GPATCH1: variants seen among roughly 807,000 people sequenced by gnomAD.
GPATCH1 encodes G-patch domain containing 1, also known as G patch domain-containing protein 1.
In GPATCH1, 73 loss-of-function variants were observed where a neutral mutation model predicts 114.9. That is an observed-to-expected ratio of 0.64 (90% CI 0.53 to 0.77). The LOEUF (loss-of-function observed/expected upper bound fraction) is 0.77. Among genes scored for constraint, GPATCH1 ranks in the 30% least tolerant of loss-of-function variants. The pLI, the probability that GPATCH1 is intolerant of heterozygous loss-of-function variation, is 0.00. For missense variants in GPATCH1, 1,058 were observed against 1,144.3 expected, an observed-to-expected ratio of 0.92 and a Z score of 1.09; for synonymous variants, 391 against 428.4, an observed-to-expected ratio of 0.91 and a Z score of 1.08.
chr19:33,121,812 A>G lies in GPATCH1; in HGVS notation c.2521+2695A>G, dbSNP rs545992450. On this transcript the variant is annotated intron_variant, in intron 17 of 19. Coordinates refer to ENST00000170564, the MANE Select transcript of GPATCH1 (RefSeq NM_018025.3). ...ATCTCTTTGAGGGCTGGGTTTACAA[A>G]CATCTATAACATGGCCCAGATATAT... is the stretch of plus-strand genomic sequence containing the variant. 7.9e-5 allele frequency among the ~76,000 whole-genome samples: 12 copies of G among 152,240 alleles called. No homozygotes were observed. In the South Asian group the frequency reaches 2.5e-3, roughly 32 times the overall value.
chr19:33,101,179 G>A (rs187069004), intron 8 of GPATCH1, among the ~76,000 whole-genome samples: 175 of 152,230 alleles, frequency 1.1e-3, no homozygotes, highest in Non-Finnish European at 2.1e-3. Context: ...TTTACTCCAC[G>A]GGGTATATCC....
At chr19:33,100,652 G>A (rs1181642832) in intron 8 of GPATCH1, among the ~76,000 whole-genome samples, 1 of 151,886 alleles carries the variant, frequency 6.6e-6, no homozygotes, top group Admixed American at 6.6e-5. Context: ...TTGTGGGGAG[G>A]GGAGAGATGT....
chr19:33,099,191 T>C (rs904089457), intron 8 of GPATCH1, among the ~76,000 whole-genome samples: 1 of 150,618 alleles, frequency 6.6e-6, no homozygotes, highest in Non-Finnish European at 1.5e-5. Flanking sequence ...TACATAGTAA[T>C]GTATTGATCT....
intron 7 of GPATCH1, among the ~76,000 whole-genome samples, chr19:33,097,458 T>C (rs1160130081): frequency 6.6e-6 from 1 of 152,172 alleles, no homozygotes; most frequent in African/African-American, 2.4e-5. Context: ...TTTCCACCCC[T>C]GCACTGCTGC....
intron 8 of GPATCH1, 68 bp downstream of exon 8, chr19:33,097,970 G>A: frequency 7.1e-7 from 1 of 1,411,128 alleles, no homozygotes; most frequent in Non-Finnish European, 9.9e-7. Context: ...GGGGCTGCAA[G>A]AGCGATACAG....
At chr19:33,125,004 A>G (rs530601568) in intron 17 of GPATCH1, 101 bp from the exon 18 acceptor site, 1 of 1,255,294 alleles carries the variant, frequency 8.0e-7, no homozygotes, top group Non-Finnish European at 1.1e-6. Context: ...TAAACATTCC[A>G]TCTACACTAG....
Position 33,096,385 on chromosome 19 carries a change from G to C in GPATCH1, c.791G>C (p.Arg264Thr), listed in dbSNP as rs1442292668. ...HFNLFSGGSE[R>T]AGDLGEIGLN... ...AATCTTTTCAGTGGTGGTTCTGAGAGAGCTGGCGATCTTGGAGAAATTGGA... is the reference window on the plus strand; with the variant it reads ...AATCTTTTCAGTGGTGGTTCTGAGACAGCTGGCGATCTTGGAGAAATTGGA... The change falls in exon 7 of 20, where the codon AGA becomes ACA. Residue 264 changes from arginine to threonine, a missense_variant. Physicochemically the swap from Arg to Thr is moderately conservative, Grantham distance 71 (BLOSUM62 -1). This residue lies in a region of GPATCH1 where 893 missense variants were observed against 977.4 expected (regional missense o/e 0.91). Coordinates refer to ENST00000170564, the MANE Select transcript of GPATCH1 (RefSeq NM_018025.3). 3 of 1,613,858 alleles carry C rather than the reference G, an allele frequency of 1.9e-6. No individual in the cohort carries two copies. Among genetic ancestry groups the C allele is most frequent in the South Asian group, 2.2e-5 (2 of 91,092 alleles).
At chr19:33,081,774 CAG>C (rs748840077) in intron 1 of GPATCH1, among the ~76,000 whole-genome samples, 18 of 152,048 alleles carry the variant, frequency 1.2e-4, no homozygotes, top group South Asian at 2.1e-4. Context: ...GAGGGGCTGA[CAG>C]GGGCTGGATC....
At chr19:33,090,726 C>T (rs1972584472) in intron 2 of GPATCH1, 54 bp from the exon 3 acceptor site, 2 of 1,112,286 alleles carry the variant, frequency 1.8e-6, no homozygotes, top group Non-Finnish European at 2.7e-6. Flanking sequence ...ATCATTTACT[C>T]ATAGACCCAA....
Position 33,081,227 on chromosome 19 carries a change from C to T in GPATCH1, c.34C>T (p.Leu12=). ...AARDSDSEED[L]VSYGTGLEPL... ...GCGGGACAGTGACAGCGAAGAAGAT[C>T]TGGTCAGCTATGGGACCGGGCTGGA... Residue 12 remains leucine, a synonymous_variant, in exon 1 of 20, where the codon CTG becomes TTG. Transcript: ENST00000170564. 1.3e-6 allele frequency: 2 copies of T among 1,551,806 alleles called. No individual in the cohort carries two copies. Among genetic ancestry groups the T allele is most frequent in the Non-Finnish European group, 1.7e-6 (2 of 1,147,066 alleles).
intron 1 of GPATCH1, among the ~76,000 whole-genome samples, chr19:33,082,961 G>A (rs1034090342): frequency 2.0e-5 from 3 of 151,640 alleles, no homozygotes; most frequent in Admixed American, 1.3e-4. Context: ...AGATGAGGCC[G>A]GGCGTGGTGG....
chr19:33,119,219 C>T (rs1172328205), intron 17 of GPATCH1, 102 bp downstream of exon 17: 1 of 582,636 alleles, frequency 1.7e-6, no homozygotes, highest in East Asian at 3.0e-5. Context: ...GTGCTTGCTT[C>T]TGGTTTATAT....
chr19:33,124,117 G>C (rs1973014971), intron 17 of GPATCH1, among the ~76,000 whole-genome samples: 1 of 152,068 alleles, frequency 6.6e-6, no homozygotes, highest in South Asian at 2.1e-4. Context: ...GCCTCCCAAA[G>C]TGCTGGGATT....
intron 19 of GPATCH1, 44 bp downstream of exon 19, chr19:33,126,777 C>T (rs747769043): frequency 2.0e-6 from 3 of 1,465,906 alleles, no homozygotes; most frequent in Non-Finnish European, 2.8e-6. Flanking sequence ...CCTTTAGAGG[C>T]TTATTGAGTG....
At chr19:33,130,101 A>G (rs751839334) in intron 19 of GPATCH1, 29 bp from the exon 20 acceptor site, 2 of 1,599,750 alleles carry the variant, frequency 1.3e-6, no homozygotes, top group African/African-American at 2.7e-5. Flanking sequence ...CTAACTTTCC[A>G]TTTCTCTCTT....
At chr19:33,115,225 ATTTTTTTTTTTTTTT>A (rs71176196) in intron 15 of GPATCH1, among the ~76,000 whole-genome samples, 2 of 56,860 alleles carry the variant, frequency 3.5e-5, no homozygotes, top group East Asian at 7.2e-4. Flanking sequence ...TGCCTGGCTA[ATTTTTTTTTTTTTTT>A]TTTTTTTTTT....
chr19:33,087,676 C>A (rs1972547060), intron 1 of GPATCH1, among the ~76,000 whole-genome samples: 1 of 151,018 alleles, frequency 6.6e-6, no homozygotes, highest in Admixed American at 6.6e-5. Flanking sequence ...ACTCTCCTGA[C>A]ATTATAATTT....
chr19:33,109,770 A>C lies in GPATCH1; in HGVS notation c.1339A>C (p.Lys447Gln). The change falls in exon 11 of 20, where the codon AAA (lysine) becomes CAA (glutamine). Residue 447 changes from lysine (K) to glutamine (Q), a missense_variant. This residue lies in a region of GPATCH1 where 893 missense variants were observed against 977.4 expected (regional missense o/e 0.91). Coordinates refer to ENST00000170564, the MANE Select transcript of GPATCH1 (RefSeq NM_018025.3). ...GTCCCAAAAAGACAAAGAGAGAATC[A>C]AAGAAATGAAGCAGGCAACTGACCT... ...FLSQKDKERI[K>Q]EMKQATDLKA... 1 of 1,600,022 alleles carries C rather than the reference A, an allele frequency of 6.2e-7. No homozygotes were observed.
chr19:33,090,560 T>C (rs1448036789), intron 2 of GPATCH1, among the ~76,000 whole-genome samples: 1 of 152,162 alleles, frequency 6.6e-6, no homozygotes, highest in Non-Finnish European at 1.5e-5. Flanking sequence ...CACTTTCTTA[T>C]GGGGAAACCT....
Sources: allele counts gnomAD v4.1 joint callset (sites outside exome capture counted in the v4.1 genomes callset), GRCh38; gene constraint gnomAD v4.1.1; regional missense constraint gnomAD v4.1.1; transcripts MANE v1.5; gene names NCBI Gene and HGNC (gene_info 2026-07-23, HGNC 2026-07-21).